CPNE4: variants seen among roughly 807,000 people sequenced by gnomAD.
CPNE4 encodes copine 4.
A neutral mutation model predicts 67.9 loss-of-function variants in CPNE4; 25 were observed. That is an observed-to-expected ratio of 0.37 (90% CI 0.27 to 0.51). The LOEUF is 0.51. Among genes scored for constraint, CPNE4 ranks in the 20% least tolerant of loss-of-function variants. CPNE4 has a pLI of 0.93. For missense variants in CPNE4, 464 were observed against 690.8 expected (o/e 0.67, Z 3.68); for synonymous variants, 242 against 244.9 (o/e 0.99, Z 0.11).
intron 1 of CPNE4, among the ~76,000 whole-genome samples, chr3:131,982,804 T>C (rs1444378370): frequency 1.3e-5 from 2 of 152,052 alleles, no homozygotes; most frequent in East Asian, 3.9e-4. Context: ...ATACTTTAAA[T>C]TGGCTTATAA....
intron 7 of CPNE4, among the ~76,000 whole-genome samples, chr3:131,622,885 G>C (rs1448572976): frequency 6.6e-6 from 1 of 152,152 alleles, no homozygotes; most frequent in East Asian, 1.9e-4. Flanking sequence ...TACTGCCCTA[G>C]AACACAGAAG....
chr3:131,635,496 T>A (rs1187815147), intron 7 of CPNE4, among the ~76,000 whole-genome samples: 2 of 152,242 alleles, frequency 1.3e-5, no homozygotes, highest in Non-Finnish European at 2.9e-5. Flanking sequence ...GCTCTTTAAA[T>A]GTAAATTCAT....
intron 3 of CPNE4, among the ~76,000 whole-genome samples, chr3:131,709,419 G>A (rs9839562): frequency 2.0e-5 from 3 of 152,150 alleles, no homozygotes; most frequent in East Asian, 1.9e-4. Flanking sequence ...CTAGAGTGCC[G>A]TATCTGGTGA....
intron 3 of CPNE4, among the ~76,000 whole-genome samples, chr3:131,722,332 G>A (rs951481219): frequency 1.3e-5 from 2 of 152,124 alleles, no homozygotes; most frequent in Non-Finnish European, 2.9e-5. Flanking sequence ...GTGACACAGA[G>A]CCATGGAAGG....
In CPNE4 at chr3:131,792,665, ATATATACATATATACACACGTG is replaced by A. The variant is rs1560322112; in HGVS notation, c.181-69062_181-69041del. 1.9e-3 allele frequency among the ~76,000 whole-genome samples: 112 copies of A among 59,086 alleles called. 1 individual carries two copies. The highest frequency in any genetic ancestry group is 6.7e-3 in the African/African-American group (102 of 15,202). The allele number at this position is 59,086 out of a possible 152,430, so 38.8% of individuals were successfully genotyped here. The stretch of plus-strand genomic sequence containing the variant: ...TATATATGTATATATACACACGTGT[ATATATACATATATACACACGTG>A]TATATATACATATACACACACGTGT... On this transcript the variant is annotated intron_variant, in intron 2 of 15. Coordinates refer to ENST00000429747, the MANE Select transcript of CPNE4 (RefSeq NM_130808.3).
At chr3:131,615,891 TCACACACACACACACACACACA>T (rs746630965) in intron 7 of CPNE4, among the ~76,000 whole-genome samples, 1 of 107,762 alleles carries the variant, frequency 9.3e-6, no homozygotes, top group Non-Finnish European at 1.8e-5. Flanking sequence ...TCTCTCTCTC[TCACACACACACACACACACACA>T]CACACACACA....
At chr3:131,648,283 G>A (rs1253864240) in intron 7 of CPNE4, among the ~76,000 whole-genome samples, 1 of 152,220 alleles carries the variant, frequency 6.6e-6, no homozygotes, top group Non-Finnish European at 1.5e-5. Context: ...GAAGGTGGGA[G>A]GACTGCTTGA....
chr3:131,654,988 A>G (rs981959120), intron 7 of CPNE4, among the ~76,000 whole-genome samples: 1 of 152,178 alleles, frequency 6.6e-6, no homozygotes, highest in Admixed American at 6.5e-5. Context: ...GCCTTAAAAC[A>G]CTCTGGGAAA....
chr3:131,733,105 A>C (rs1271730381), intron 2 of CPNE4, among the ~76,000 whole-genome samples: 6 of 152,252 alleles, frequency 3.9e-5, no homozygotes, highest in Non-Finnish European at 2.9e-5. Flanking sequence ...AGAACCAAAA[A>C]GGTTAACTTG....
chr3:131,772,104 C>G (rs774570047), intron 2 of CPNE4, among the ~76,000 whole-genome samples: 1 of 152,080 alleles, frequency 6.6e-6, no homozygotes, highest in East Asian at 1.9e-4. Context: ...GGAGGTTTAA[C>G]AGTTTTATCA....
chr3:132,035,639 C>T (rs989834633), upstream of CPNE4, among the ~76,000 whole-genome samples: 1 of 152,122 alleles, frequency 6.6e-6, no homozygotes. Context: ...TTTTAAAGCA[C>T]TTTAGAGAGA....
chr3:131,544,346 T>C (rs1935694961), intron 14 of CPNE4, among the ~76,000 whole-genome samples: 1 of 152,132 alleles, frequency 6.6e-6, no homozygotes, highest in African/African-American at 2.4e-5. Flanking sequence ...TTTTTTTCTG[T>C]GAGCCTGAAA....
At chr3:131,745,207 T>A (rs2082458805) in intron 2 of CPNE4, among the ~76,000 whole-genome samples, 1 of 152,170 alleles carries the variant, frequency 6.6e-6, no homozygotes, top group South Asian at 2.1e-4. Flanking sequence ...CCTTTTCATG[T>A]ACTTACTTGC....
chr3:132,004,050 C>T (rs146226138), intron 1 of CPNE4, among the ~76,000 whole-genome samples: 33 of 152,106 alleles, frequency 2.2e-4, no homozygotes, highest in South Asian at 8.3e-4. Context: ...TGGCATCTCC[C>T]TCCTATCCTG....
At chr3:131,848,968 A>AC (rs2086119773) in intron 2 of CPNE4, among the ~76,000 whole-genome samples, 4 of 148,328 alleles carry the variant, frequency 2.7e-5, no homozygotes, top group African/African-American at 7.4e-5. Flanking sequence ...AAAAAAAAAA[A>AC]AAAAAAAAAA....
At chr3:132,007,045 T>C (rs1386720535) in intron 1 of CPNE4, among the ~76,000 whole-genome samples, 1 of 152,160 alleles carries the variant, frequency 6.6e-6, no homozygotes, top group East Asian at 1.9e-4. Flanking sequence ...ATCCTTTATT[T>C]TTTGTTAATG....
rs553271478 is a variant in CPNE4 at position 131,594,363 on chromosome 3, T to C, written c.682-6781A>G. On this transcript the variant is annotated intron_variant, in intron 7 of 15. Transcript: ENST00000429747. The stretch of plus-strand genomic sequence containing the variant: ...GCATAAAGATAGGCAAATAGACCAA[T>C]AGAACAGAATAGAGAGGCCAAAACC... 3.9e-5 allele frequency among the ~76,000 whole-genome samples: 6 copies of C among 152,312 alleles called. No homozygotes were observed. In the South Asian group the frequency reaches 1.0e-3, roughly 26 times the overall value.
In CPNE4 at chr3:131,991,818, G is replaced by C. The variant is rs1228201638; in HGVS notation, c.-2+42749C>G. ...GGCCTCCTGCTCTGTGCAGCCTTAG[G>C]ATATGGTACCCTGCCATGTCCAAGC... On this transcript the variant is annotated intron_variant, in intron 1 of 15. Coordinates refer to ENST00000429747, the MANE Select transcript of CPNE4 (RefSeq NM_130808.3). Among the ~76,000 whole-genome samples, 2 of 135,550 alleles carry C rather than the reference G, an allele frequency of 1.5e-5. 1 individual carries two copies. The highest frequency in any genetic ancestry group is 3.3e-5 in the Non-Finnish European group (2 of 59,722). The allele number at this position is 135,550 out of a possible 152,430, so 88.9% of individuals were successfully genotyped here. A position where few individuals can be genotyped will look rare whatever the true frequency, so the allele number is the denominator to read the frequency against.
Position 131,893,182 on chromosome 3 carries a change from C to T in CPNE4, c.180+12082G>A, listed in dbSNP as rs183123394. On this transcript the variant is annotated intron_variant, in intron 2 of 15. Transcript: ENST00000429747. The stretch of plus-strand genomic sequence containing the variant: ...CAGAGACAAAAAGTGTGTAGCCATA[C>T]TTATATCAGATAAAGTAGACTTTAA... Among the ~76,000 whole-genome samples the T allele has an allele frequency of 1.6e-4, 24 of 151,622 alleles. No homozygotes were observed. In the East Asian group the frequency reaches 4.5e-3, roughly 28 times the overall value.
Sources: gnomAD v4.1 joint callset for allele counts (sites outside exome capture counted in the v4.1 genomes callset) on GRCh38, gnomAD v4.1.1 for gene constraint, MANE v1.5 for transcripts, NCBI Gene and HGNC (gene_info 2026-07-23, HGNC 2026-07-21) for gene names.